PIK3C2A: variants seen among roughly 807,000 people sequenced by gnomAD.
PIK3C2A encodes phosphatidylinositol 4-phosphate 3-kinase C2 domain-containing subunit alpha.
A neutral mutation model predicts 204.5 loss-of-function variants in PIK3C2A; 97 were observed. That is an observed-to-expected ratio of 0.47 (90% CI 0.40 to 0.56). PIK3C2A has a LOEUF of 0.56. Among genes scored for constraint, PIK3C2A ranks in the 20% least tolerant of loss-of-function variants. PIK3C2A has a pLI of 0.00. For missense variants in PIK3C2A, 1,735 were observed against 1,969.2 expected, an observed-to-expected ratio of 0.88 and a Z score of 2.25; for synonymous variants, 653 against 664.4, an observed-to-expected ratio of 0.98 and a Z score of 0.26.
intron 23 of PIK3C2A, among the ~76,000 whole-genome samples, chr11:17,103,617 ATGTG>A (rs756462941): frequency 1.1e-3 from 172 of 151,918 alleles, no homozygotes; most frequent in African/African-American, 3.7e-3. Context: ...ATGTGTGTAT[ATGTG>A]TGTGTGTGTG....
intron 24 of PIK3C2A, among the ~76,000 whole-genome samples, chr11:17,102,213 G>T: frequency 6.6e-6 from 1 of 152,094 alleles, no homozygotes; most frequent in East Asian, 1.9e-4. Context: ...GAGGCGGGTA[G>T]ATCACTTGGT....
chr11:17,192,238 G>C (rs1591019123), intron 1 of PIK3C2A, among the ~76,000 whole-genome samples: 1 of 152,264 alleles, frequency 6.6e-6, no homozygotes, highest in Middle Eastern at 3.4e-3. Flanking sequence ...GCTCTTTGGG[G>C]AATATTGCTG....
chr11:17,132,311 T>C (rs1474706942), intron 11 of PIK3C2A, among the ~76,000 whole-genome samples: 1 of 139,274 alleles, frequency 7.2e-6, no homozygotes, highest in East Asian at 2.1e-4. Context: ...AATAATTAAC[T>C]TTAATTTTTT....
chr11:17,106,013 GC>G (rs1848803128), intron 22 of PIK3C2A, among the ~76,000 whole-genome samples: 3 of 152,100 alleles, frequency 2.0e-5, no homozygotes, highest in Admixed American at 6.6e-5. Flanking sequence ...GGAGGCTGAG[GC>G]AGGAGAATCC....
intron 1 of PIK3C2A, among the ~76,000 whole-genome samples, chr11:17,177,170 T>C (rs956098814): frequency 6.6e-6 from 1 of 152,206 alleles, no homozygotes; most frequent in Non-Finnish European, 1.5e-5. Context: ...AATATCAACT[T>C]TCATCTTCAA....
intron 1 of PIK3C2A, among the ~76,000 whole-genome samples, chr11:17,183,784 T>C (rs1339997853): frequency 6.6e-6 from 1 of 151,772 alleles, no homozygotes; most frequent in African/African-American, 2.4e-5. Flanking sequence ...CAGCAGACCA[T>C]ATATATGACA....
intron 6 of PIK3C2A, among the ~76,000 whole-genome samples, chr11:17,146,228 T>C (rs1362450037): frequency 1.3e-5 from 2 of 152,202 alleles, no homozygotes; most frequent in Non-Finnish European, 2.9e-5. Flanking sequence ...CTGTTCTATA[T>C]ATAGAGAATA....
intron 19 of PIK3C2A, among the ~76,000 whole-genome samples, chr11:17,116,584 T>C (rs1043088091): frequency 6.6e-6 from 1 of 151,956 alleles, no homozygotes; most frequent in Non-Finnish European, 1.5e-5. Flanking sequence ...TGAATATTCA[T>C]AGCAGTATTC....
intron 2 of PIK3C2A, among the ~76,000 whole-genome samples, chr11:17,162,845 C>T (rs1343307968): frequency 6.6e-6 from 1 of 152,186 alleles, no homozygotes; most frequent in African/African-American, 2.4e-5. Flanking sequence ...CTGAGAGCAA[C>T]CATCATGAAA....
chr11:17,184,976 T>C (rs1431869535), intron 1 of PIK3C2A, among the ~76,000 whole-genome samples: 3 of 151,892 alleles, frequency 2.0e-5, no homozygotes, highest in South Asian at 2.1e-4. Context: ...GAAAAAAATA[T>C]ATATTTTTAC....
Position 17,169,390 on chromosome 11 carries a change from G to A in PIK3C2A, c.352C>T (p.Pro118Ser). The A allele has an allele frequency of 6.2e-7, 1 of 1,614,022 alleles. No individual in the cohort carries two copies. Among genetic ancestry groups the A allele is most frequent in the East Asian group, 2.2e-5 (1 of 44,886 alleles). The change falls in exon 2 of 33, where the codon CCA becomes TCA. Residue 118 changes from proline to serine, a missense_variant. Physicochemically the swap from Pro to Ser is moderately conservative, Grantham distance 74. This residue lies in a region of PIK3C2A where 536 missense variants were observed against 546.7 expected (regional missense o/e 0.98). Transcript: ENST00000691414. ...SFETKKTPVL[P>S]VTPILSPSFS... Reference sequence around the variant, plus strand: ...GAAGGGCTCAGAATAGGAGTAACTGGTAATACAGGTGTTTTTTTAGTCTCG... The same window carrying A: ...GAAGGGCTCAGAATAGGAGTAACTGATAATACAGGTGTTTTTTTAGTCTCG...
intron 13 of PIK3C2A, among the ~76,000 whole-genome samples, chr11:17,125,906 T>G (rs1849506966): frequency 6.6e-6 from 1 of 152,060 alleles, no homozygotes; most frequent in Non-Finnish European, 1.5e-5. Context: ...GGTGGATCAC[T>G]CGAGGCCAGG....
intron 2 of PIK3C2A, among the ~76,000 whole-genome samples, chr11:17,158,438 T>C (rs956107801): frequency 1.3e-5 from 2 of 151,170 alleles, no homozygotes; most frequent in Non-Finnish European, 2.9e-5. Context: ...AAAAAAGCTC[T>C]AATAGGTGGG....
chr11:17,195,053 C>A (rs930219540), intron 1 of PIK3C2A, among the ~76,000 whole-genome samples: 1 of 152,206 alleles, frequency 6.6e-6, no homozygotes, highest in South Asian at 2.1e-4. Context: ...CACAATGAAA[C>A]TTCCTCATTC....
At chr11:17,165,712 T>C (rs951185580) in intron 2 of PIK3C2A, among the ~76,000 whole-genome samples, 5 of 137,648 alleles carry the variant, frequency 3.6e-5, no homozygotes, top group Admixed American at 3.2e-4. Flanking sequence ...CAGGCAGAGG[T>C]TGCGGTGAGC....
intron 19 of PIK3C2A, chr11:17,115,854 C>A (rs189279929): frequency 1.3e-5 from 2 of 152,116 alleles, no homozygotes; most frequent in South Asian, 2.1e-4. Context: ...AACTGGATAA[C>A]CTCATTCAAA....
intron 13 of PIK3C2A, among the ~76,000 whole-genome samples, chr11:17,128,707 C>CAT (rs1214995544): frequency 2.6e-5 from 4 of 152,100 alleles, no homozygotes; most frequent in Admixed American, 6.6e-5. Context: ...GCTGAAAGGC[C>CAT]ATATAGATTA....
At chr11:17,092,632 CACT>C (rs1848342328) in intron 28 of PIK3C2A, among the ~76,000 whole-genome samples, 1 of 152,202 alleles carries the variant, frequency 6.6e-6, no homozygotes, top group African/African-American at 2.4e-5. Flanking sequence ...AGATCACTTA[CACT>C]CCAGCCTGGG....
At chr11:17,089,971 T>C in intron 32 of PIK3C2A, 51 bp from the exon 33 acceptor site, 1 of 1,377,166 alleles carries the variant, frequency 7.3e-7, no homozygotes, top group Non-Finnish European at 1.0e-6. Context: ...GTTTGTTTGG[T>C]TTCTTGGAAC....
Sources: gnomAD v4.1 joint callset for allele counts (sites outside exome capture counted in the v4.1 genomes callset) on GRCh38, gnomAD v4.1.1 for gene constraint, gnomAD v4.1.1 regional missense constraint, MANE v1.5 for transcripts, NCBI Gene and HGNC (gene_info 2026-07-23, HGNC 2026-07-21) for gene names.